CAPS2: variants seen among roughly 807,000 people sequenced by gnomAD.
CAPS2 encodes calcyphosin-2.
CAPS2 carries 98 observed loss-of-function variants against 86.5 expected under a neutral mutation model. That is an observed-to-expected ratio of 1.13 (90% CI 0.96 to 1.34). CAPS2 has a LOEUF of 1.34. Ranked by LOEUF, CAPS2 falls within the 40% of genes most tolerant of loss-of-function variation. CAPS2 has a pLI of 0.00. For missense variants in CAPS2, 729 were observed against 686.8 expected (o/e 1.06, Z -0.69); for synonymous variants, 210 against 225.1 (o/e 0.93, Z 0.60).
chr12:75,289,000 A>G (rs569722520), intron 14 of CAPS2, among the ~76,000 whole-genome samples: 2 of 152,346 alleles, frequency 1.3e-5, no homozygotes, highest in East Asian at 3.9e-4. Flanking sequence ...CCTGAATACT[A>G]AGAAAACCCA....
chr12:75,340,121 T>C (rs79981384), intron 1 of CAPS2, among the ~76,000 whole-genome samples: 5,780 of 150,736 alleles, frequency 0.038, 128 homozygotes, highest in East Asian at 0.051. Flanking sequence ...ATTATATGTA[T>C]ATATTTTATA....
intron 1 of CAPS2, among the ~76,000 whole-genome samples, chr12:75,358,708 T>A (rs1260085689): frequency 1.4e-5 from 2 of 145,474 alleles, no homozygotes; most frequent in East Asian, 3.9e-4. Context: ...TTTGCTTTTT[T>A]AAACCATATA....
chr12:75,277,547 C>T, exon 17 of CAPS2: 1 of 934,302 alleles, frequency 1.1e-6, no homozygotes, highest in Non-Finnish European at 1.3e-6. Flanking sequence ...AGAATTTAGC[C>T]AGTGAAAATA....
intron 1 of CAPS2, among the ~76,000 whole-genome samples, chr12:75,382,639 CAA>C (rs59130420): frequency 1.4e-5 from 2 of 143,086 alleles, no homozygotes; most frequent in Non-Finnish European, 1.5e-5. Context: ...GACTCCATCT[CAA>C]AAAAAAAAAG....
chr12:75,374,668 T>C (rs554772139), intron 1 of CAPS2, among the ~76,000 whole-genome samples: 5 of 152,356 alleles, frequency 3.3e-5, no homozygotes, highest in African/African-American at 1.2e-4. Context: ...AACAAGATTA[T>C]GACATAAAGC....
intron 1 of CAPS2, among the ~76,000 whole-genome samples, chr12:75,352,584 G>A (rs2139457242): frequency 6.6e-6 from 1 of 152,108 alleles, no homozygotes; most frequent in Non-Finnish European, 1.5e-5. Flanking sequence ...GTCAATATTA[G>A]CCAGATGACA....
At chr12:75,343,798 G>A (rs2042271520) in intron 1 of CAPS2, 1 of 1,613,216 alleles carries the variant, frequency 6.2e-7, no homozygotes, top group Non-Finnish European at 8.5e-7. Flanking sequence ...TGCAGCTTTT[G>A]AATATGTTGG....
chr12:75,298,922 G>A lies in CAPS2; in HGVS notation c.899C>T (p.Thr300Ile), dbSNP rs764648371. 18 of 1,610,230 alleles carry A rather than the reference G, an allele frequency of 1.1e-5. No individual in the cohort carries two copies. In the Admixed American group the frequency reaches 1.9e-4, roughly 17 times the overall value. ...ATAAATTGTAAGGGATTGGTCATGA[G>A]TGAAAAAGAACCCAATGAGCTCTCT... Residue 300 changes from threonine to isoleucine, a missense_variant, in exon 10 of 17, where the codon ACT (threonine) becomes ATT (isoleucine). Transcript: ENST00000393284.
chr12:75,334,861 C>T (rs1047033107), upstream of CAPS2: 5 of 1,614,034 alleles, frequency 3.1e-6, no homozygotes, highest in Non-Finnish European at 3.4e-6. Context: ...CAACGAATGG[C>T]GTGGCAAAGT....
intron 8 of CAPS2, among the ~76,000 whole-genome samples, chr12:75,303,028 A>G (rs1474824293): frequency 6.6e-6 from 1 of 152,210 alleles, no homozygotes; most frequent in East Asian, 1.9e-4. Flanking sequence ...CTAAGTATAT[A>G]CTCAGCAGAA....
intron 1 of CAPS2, among the ~76,000 whole-genome samples, chr12:75,341,192 T>C: frequency 6.6e-6 from 1 of 152,220 alleles, no homozygotes; most frequent in East Asian, 1.9e-4. Context: ...TCAATGCTCT[T>C]GAGAAACAGG....
chr12:75,321,370 A>C, intron 5 of CAPS2, 30 bp downstream of exon 5: 1 of 1,393,770 alleles, frequency 7.2e-7, no homozygotes, highest in Non-Finnish European at 9.7e-7. Flanking sequence ...TTTAAATGTC[A>C]TTAGAATTTT....
intron 5 of CAPS2, among the ~76,000 whole-genome samples, chr12:75,317,828 G>C (rs920990454): frequency 1.3e-5 from 2 of 152,032 alleles, no homozygotes; most frequent in Admixed American, 6.6e-5. Context: ...GCGTATATGT[G>C]TGTGTGTGTC....
intron 1 of CAPS2, chr12:75,370,569 G>A (rs1454951488): frequency 1.3e-5 from 2 of 155,598 alleles, no homozygotes; most frequent in Non-Finnish European, 2.8e-5. Flanking sequence ...TGTTACTGAG[G>A]AAAGTTTTTT....
chr12:75,367,662 C>T (rs1056204765), intron 1 of CAPS2, among the ~76,000 whole-genome samples: 19 of 151,986 alleles, frequency 1.3e-4, no homozygotes, highest in African/African-American at 4.3e-4. Context: ...AGTCTATTAA[C>T]ACTTTTACCA....
At chr12:75,308,775 C>A (rs912956490) in intron 7 of CAPS2, among the ~76,000 whole-genome samples, 1 of 151,052 alleles carries the variant, frequency 6.6e-6, no homozygotes, top group Non-Finnish European at 1.5e-5. Flanking sequence ...GAGCAAGAAG[C>A]GAGATAAGAA....
At chr12:75,306,052 G>A (rs1423151129) in intron 7 of CAPS2, 3 of 1,469,486 alleles carry the variant, frequency 2.0e-6, no homozygotes, top group Middle Eastern at 1.8e-4. Context: ...GCCAGAGACA[G>A]CGCCGTCTAG....
Position 75,350,969 on chromosome 12 carries a change from G to C in CAPS2, c.-394-27747C>G, listed in dbSNP as rs561503209. Among the ~76,000 whole-genome samples the C allele has an allele frequency of 1.6e-4, 24 of 152,318 alleles. No homozygotes were observed. The South Asian group carries it at 5.0e-3, about 32-fold the overall frequency. ...ACCATGATAAAATATTACAGGAGCT[G>C]TTAACCAGAATAACCAGTTTAGAGA... On this transcript the variant is annotated intron_variant, in intron 1 of 5. Transcript: ENST00000551829.
At position 75,309,077 on chromosome 12, in the gene CAPS2, A is replaced by T. The variant is rs149341499; in HGVS notation, c.659+3771T>A. On this transcript the variant is annotated intron_variant, in intron 7 of 16. Coordinates refer to ENST00000393284, the Ensembl canonical transcript of CAPS2. ...GGTTCATGCATATGGACTGCATATC[A>T]CGCATGTACTTAGAATTATGGGATG... Among the ~76,000 whole-genome samples, 900 of 152,240 alleles carry T rather than the reference A, an allele frequency of 5.9e-3. 7 individuals carry two copies. Among genetic ancestry groups the T allele is most frequent in the African/African-American group, 0.02 (830 of 41,536 alleles).
Sources: gnomAD v4.1 joint callset for allele counts (sites outside exome capture counted in the v4.1 genomes callset) on GRCh38, gnomAD v4.1.1 for gene constraint, MANE v1.5 for transcripts, NCBI Gene and HGNC (gene_info 2026-07-23, HGNC 2026-07-21) for gene names.